TENT4A: variants seen among roughly 807,000 people sequenced by gnomAD.
The protein encoded by TENT4A is terminal nucleotidyltransferase 4A.
A neutral mutation model predicts 72.8 loss-of-function variants in TENT4A; 7 were observed. The observed-to-expected ratio is 0.10, with a 90% CI of 0.05 to 0.18. The LOEUF is 0.18. Ranked by LOEUF, TENT4A falls within the 10% of genes least tolerant of loss-of-function variation. The pLI, the probability that TENT4A is intolerant of heterozygous loss-of-function variation, is 1.00. For synonymous variants in TENT4A, 456 were observed against 434.3 expected (o/e 1.05, Z -0.62); for missense variants, 831 against 1,017.7 (o/e 0.82, Z 2.50).
intron 5 of TENT4A, 85 bp from the exon 6 acceptor site, chr5:6,743,627 T>A: frequency 2.6e-6 from 3 of 1,147,164 alleles, no homozygotes; most frequent in Non-Finnish European, 3.8e-6. Context: ...GAAACTTTCC[T>A]TTCTGTCTTG....
chr5:6,737,429 G>A (rs896579382), intron 1 of TENT4A, 81 bp from the exon 2 acceptor site: 33 of 1,275,496 alleles, frequency 2.6e-5, no homozygotes, highest in Middle Eastern at 1.9e-4. Context: ...ATGTTTGAGC[G>A]TCATCCTGAT....
chr5:6,742,601 C>T lies in TENT4A; in HGVS notation c.1116+4C>T. On this transcript the variant is annotated splice_donor_region_variant and intron_variant, in intron 5 of 12. Transcript: ENST00000230859. ...GTTCATCAAGAATTACATGAAGGTACTGTGCTTGGTGACCCAGCGCGGCGA... is the reference window on the plus strand; with the variant it reads ...GTTCATCAAGAATTACATGAAGGTATTGTGCTTGGTGACCCAGCGCGGCGA... 1 of 1,581,772 alleles carries T rather than the reference C, an allele frequency of 6.3e-7. No homozygotes were observed. The highest frequency in any genetic ancestry group is 2.2e-5 in the East Asian group (1 of 44,734).
rs749816727 is a variant in TENT4A, at chr5:6,751,056, C to G, written c.1878C>G (p.Pro626=). The G allele has an allele frequency of 6.2e-7, 1 of 1,614,226 alleles. No individual in the cohort carries two copies. The highest frequency in any genetic ancestry group is 8.5e-7 in the Non-Finnish European group (1 of 1,180,040). ...GGTTCAAGGATTCAGACACACCGCCCTGCACAACGCCCAGTGTTTACCAGT... is the reference window on the plus strand; with the variant it reads ...GGTTCAAGGATTCAGACACACCGCCGTGCACAACGCCCAGTGTTTACCAGT... ...SGSDVDSDTP[P]CTTPSVYQFS... Residue 626 remains proline (P), a synonymous_variant, in exon 11 of 13, where the codon CCC becomes CCG. Coordinates refer to ENST00000230859, the MANE Select transcript of TENT4A (RefSeq NM_006999.6).
At chr5:6,729,214 G>A (rs1741085577) in intron 1 of TENT4A, among the ~76,000 whole-genome samples, 2 of 152,192 alleles carry the variant, frequency 1.3e-5, no homozygotes, top group South Asian at 4.1e-4. Context: ...TCTTGGGCCA[G>A]TTACCATATG....
At chr5:6,751,231 G>T in intron 11 of TENT4A, 34 bp downstream of exon 11, 24 of 1,611,492 alleles carry the variant, frequency 1.5e-5, no homozygotes, top group Non-Finnish European at 2.0e-5. Flanking sequence ...CCCGCTGGTG[G>T]CCCCTGGGAA....
chr5:6,751,190 A>G lies in TENT4A; in HGVS notation c.2012A>G (p.Asn671Ser), dbSNP rs143583524. Residue 671 changes from asparagine to serine, a missense_variant, in exon 11 of 13, where the codon AAC (asparagine) becomes AGC (serine). Around this residue, in one of 3 missense-constraint regions of TENT4A, gnomAD observed 332 missense variants for 324.3 expected, o/e 1.02. Transcript: ENST00000230859. ...TCCAGAACACTGATCATGACAACCA[A>G]CAATCAGGTACGTGGCCCTCTGGCA... ...TTSRTLIMTT[N>S]NQTRFTIPPP... is the part of the protein sequence containing the mutation. The G allele has an allele frequency of 1.9e-6, 3 of 1,614,084 alleles. No individual in the cohort carries two copies. Among genetic ancestry groups the G allele is most frequent in the African/African-American group, 2.7e-5 (2 of 74,926 alleles).
intron 1 of TENT4A, among the ~76,000 whole-genome samples, chr5:6,731,037 G>A (rs1741185963): frequency 6.6e-6 from 1 of 152,162 alleles, no homozygotes; most frequent in Admixed American, 6.5e-5. Flanking sequence ...ATGTAGTAGT[G>A]TCTGAATCAG....
intron 1 of TENT4A, among the ~76,000 whole-genome samples, chr5:6,722,367 T>C (rs1451807828): frequency 1.3e-5 from 2 of 152,154 alleles, no homozygotes; most frequent in East Asian, 3.8e-4. Context: ...TTTTCTTGGT[T>C]TTTGAAAATA....
At chr5:6,732,894 G>A (rs1449308697) in intron 1 of TENT4A, among the ~76,000 whole-genome samples, 3 of 152,192 alleles carry the variant, frequency 2.0e-5, no homozygotes, top group South Asian at 2.1e-4. Flanking sequence ...ACAGAGACAA[G>A]CATCAGAGGC....
intron 1 of TENT4A, among the ~76,000 whole-genome samples, chr5:6,726,028 T>C (rs947835805): frequency 2.0e-5 from 3 of 152,150 alleles, no homozygotes; most frequent in Non-Finnish European, 4.4e-5. Context: ...CTGTGTAGGT[T>C]GGAGGCTCAG....
chr5:6,749,660 G>A lies in TENT4A; in HGVS notation c.1687+3G>A, dbSNP rs1446445984. The A allele has an allele frequency of 6.3e-7, 1 of 1,593,776 alleles. No homozygotes were observed. Among genetic ancestry groups the A allele is most frequent in the African/African-American group, 1.3e-5 (1 of 74,554 alleles). On this transcript the variant is annotated splice_donor_region_variant and intron_variant, in intron 9 of 12. Transcript: ENST00000230859. ...AGCCCACCCGTCGCCAGGCATGGGTGAGAGATTAATTCATTTGTGTTCATC... is the reference window on the plus strand; with the variant it reads ...AGCCCACCCGTCGCCAGGCATGGGTAAGAGATTAATTCATTTGTGTTCATC...
At chr5:6,738,354 C>G (rs1248297232) in intron 2 of TENT4A, among the ~76,000 whole-genome samples, 1 of 152,206 alleles carries the variant, frequency 6.6e-6, no homozygotes, top group East Asian at 1.9e-4. Flanking sequence ...GGACAAAGCC[C>G]TGCCCCAGTG....
chr5:6,743,423 C>T (rs531637362), intron 5 of TENT4A, among the ~76,000 whole-genome samples: 126 of 152,258 alleles, frequency 8.3e-4, no homozygotes, highest in African/African-American at 3.0e-3. Context: ...CCAGTGAACG[C>T]GCTGGTCTCT....
At chr5:6,730,978 C>T (rs1380758194) in intron 1 of TENT4A, among the ~76,000 whole-genome samples, 1 of 152,140 alleles carries the variant, frequency 6.6e-6, no homozygotes, top group Non-Finnish European at 1.5e-5. Flanking sequence ...TGCTTACAAC[C>T]CACTCTTCCT....
At chr5:6,742,434 C>T (rs1194366280) in intron 4 of TENT4A, 56 bp from the exon 5 acceptor site, 4 of 1,109,038 alleles carry the variant, frequency 3.6e-6, no homozygotes, top group African/African-American at 1.5e-5. Flanking sequence ...CATTTTGATG[C>T]CTGGCTGTGG....
At chr5:6,753,850 T>C (rs1372989735) in intron 12 of TENT4A, among the ~76,000 whole-genome samples, 1 of 152,252 alleles carries the variant, frequency 6.6e-6, no homozygotes, top group Non-Finnish European at 1.5e-5. Context: ...GATTTATCCA[T>C]CCCCGATAGA....
At chr5:6,725,231 G>T (rs996882214) in intron 1 of TENT4A, among the ~76,000 whole-genome samples, 7 of 152,096 alleles carry the variant, frequency 4.6e-5, no homozygotes, top group African/African-American at 1.7e-4. Context: ...TGAGGCAGGA[G>T]AATCTCTTGA....
At chr5:6,729,524 C>T (rs1030852458) in intron 1 of TENT4A, among the ~76,000 whole-genome samples, 8 of 152,250 alleles carry the variant, frequency 5.3e-5, no homozygotes, top group South Asian at 4.1e-4. Flanking sequence ...AGCTTCCAGG[C>T]GCAGTCACGC....
intron 7 of TENT4A, 82 bp from the exon 8 acceptor site, chr5:6,748,382 G>A: frequency 6.4e-7 from 1 of 1,563,040 alleles, no homozygotes; most frequent in Non-Finnish European, 8.8e-7. Context: ...GCCTGCTTCA[G>A]AGTCACTTGT....
Sources: allele counts gnomAD v4.1 joint callset (sites outside exome capture counted in the v4.1 genomes callset), GRCh38; gene constraint gnomAD v4.1.1; regional missense constraint gnomAD v4.1.1; transcripts MANE v1.5; gene names NCBI Gene and HGNC (gene_info 2026-07-23, HGNC 2026-07-21).